LRP2BP: variants seen among roughly 807,000 people sequenced by gnomAD.
The protein encoded by LRP2BP is LRP2-binding protein.
In LRP2BP, 38 loss-of-function variants were observed where a neutral mutation model predicts 45.2. The observed-to-expected ratio is 0.84, with a 90% CI of 0.65 to 1.10. The LOEUF is 1.10. Among genes scored for constraint, LRP2BP ranks in the 50% least tolerant of loss-of-function variants. The pLI, the probability that LRP2BP is intolerant of heterozygous loss-of-function variation, is 0.00. For synonymous variants in LRP2BP, 153 were observed against 153.9 expected (o/e 0.99, Z 0.04); for missense variants, 385 against 418.9 (o/e 0.92, Z 0.71).
chr4:185,387,435 T>C (rs2095475003), intron 1 of LRP2BP, among the ~76,000 whole-genome samples: 1 of 152,240 alleles, frequency 6.6e-6, no homozygotes, highest in Non-Finnish European at 1.5e-5. Flanking sequence ...TGCACCCTTT[T>C]GCCATAGTTG....
At chr4:185,385,912 G>GT (rs1554020215) in intron 1 of LRP2BP, among the ~76,000 whole-genome samples, 8 of 22,780 alleles carry the variant, frequency 3.5e-4, no homozygotes, top group Admixed American at 2.1e-3. Context: ...GGGAGGGGGG[G>GT]GGGGAGATAA....
upstream of LRP2BP, chr4:185,396,678 C>T (rs577153984): frequency 4.7e-5 from 25 of 528,916 alleles, no homozygotes; most frequent in East Asian, 3.0e-4. Context: ...GCGCCGGGCT[C>T]CACGTGCCAG....
intron 8 of LRP2BP, chr4:185,369,973 A>C: frequency 4.0e-6 from 1 of 248,418 alleles, no homozygotes; most frequent in Non-Finnish European, 8.1e-6. Context: ...CAAGTCTGCT[A>C]TGATGTAATT....
At position 185,365,364 on chromosome 4, in the gene LRP2BP, T is replaced by A. The variant is rs1276422478; in HGVS notation, c.*1816A>T. The A allele has an allele frequency of 6.6e-6, 1 of 151,870 alleles. No individual in the cohort carries two copies. The highest frequency in any genetic ancestry group is 1.5e-5 in the Non-Finnish European group (1 of 67,962). 9.4% of individuals were successfully genotyped at this position (151,870 alleles called of 1,614,324 possible). A position where few individuals can be genotyped will look rare whatever the true frequency, so the allele number is the denominator to read the frequency against. ...GTTCCTATTTTAAGATTCTTTTTATTTTTTTTTGAGATGGAGTCTCGCTCT... is the reference window on the plus strand; with the variant it reads ...GTTCCTATTTTAAGATTCTTTTTATATTTTTTTGAGATGGAGTCTCGCTCT... On this transcript the variant is annotated 3_prime_UTR_variant, in exon 9 of 9. Coordinates refer to ENST00000505916, the MANE Select transcript of LRP2BP (RefSeq NM_001377440.1).
intron 1 of LRP2BP, among the ~76,000 whole-genome samples, chr4:185,389,290 C>T (rs913521687): frequency 3.3e-5 from 5 of 151,988 alleles, no homozygotes; most frequent in Admixed American, 6.6e-5. Flanking sequence ...TTCACTGCAA[C>T]CTCCACCTCC....
chr4:185,375,869 T>C (rs2095435747), intron 3 of LRP2BP, 143 bp from the exon 4 acceptor site: 2 of 484,558 alleles, frequency 4.1e-6, no homozygotes, highest in South Asian at 6.0e-5. Flanking sequence ...TGCCCCACGC[T>C]GAGGAAGCAT....
At chr4:185,393,300 C>A (rs987546018) in intron 1 of LRP2BP, among the ~76,000 whole-genome samples, 1 of 152,166 alleles carries the variant, frequency 6.6e-6, no homozygotes, top group Non-Finnish European at 1.5e-5. Flanking sequence ...TAAACATATA[C>A]AATCCAATTA....
chr4:185,390,190 TCTCA>T (rs1174233383), intron 1 of LRP2BP, among the ~76,000 whole-genome samples: 2 of 152,198 alleles, frequency 1.3e-5, no homozygotes, highest in Non-Finnish European at 2.9e-5. Context: ...AGCTCTCATG[TCTCA>T]CTCATATCTC....
intron 1 of LRP2BP, among the ~76,000 whole-genome samples, chr4:185,387,366 C>A (rs1252261684): frequency 6.6e-6 from 1 of 152,194 alleles, no homozygotes; most frequent in Non-Finnish European, 1.5e-5. Flanking sequence ...ACACAATGTA[C>A]AAATAACATA....
intron 4 of LRP2BP, among the ~76,000 whole-genome samples, chr4:185,375,059 C>A (rs1023512816): frequency 6.6e-6 from 1 of 152,048 alleles, no homozygotes. Context: ...CCATCAGACA[C>A]AAACCTTCAA....
At chr4:185,393,035 G>A (rs2095492394) in intron 1 of LRP2BP, among the ~76,000 whole-genome samples, 1 of 152,208 alleles carries the variant, frequency 6.6e-6, no homozygotes, top group Non-Finnish European at 1.5e-5. Flanking sequence ...CTGGGTTCAA[G>A]TGATTCTCCC....
upstream of LRP2BP, chr4:185,396,826 T>C (rs909302855): frequency 1.5e-6 from 2 of 1,339,744 alleles, no homozygotes; most frequent in Admixed American, 3.4e-5. Flanking sequence ...AATTCTCCCG[T>C]GCTAGGGCCA....
At chr4:185,380,824 A>G (rs1467266837) in intron 1 of LRP2BP, among the ~76,000 whole-genome samples, 4 of 150,720 alleles carry the variant, frequency 2.7e-5, no homozygotes, top group Non-Finnish European at 4.4e-5. Flanking sequence ...TGCCTTTCAG[A>G]TTTTCCATCG....
chr4:185,397,245 C>T (rs938648762), upstream of LRP2BP: 2 of 1,614,156 alleles, frequency 1.2e-6, no homozygotes, highest in Non-Finnish European at 1.7e-6. Flanking sequence ...CCGCAGGAAG[C>T]GGCCTTGCTT....
In LRP2BP at chr4:185,373,026, A is replaced by G. The variant is rs1290370920; in HGVS notation, c.633T>C (p.Gly211=). The change falls in exon 7 of 9, where the codon GGT becomes GGC. Residue 211 remains glycine, a synonymous_variant. Transcript: ENST00000505916. ...ACGNGNLESQ[G]ALGLMYLYGQ... ...CATACAAGTACATGAGCCCAAGTGC[A>G]CCCTGGGACTCCAGATTCCCATTGC... 1 of 1,612,564 alleles carries G rather than the reference A, an allele frequency of 6.2e-7. No homozygotes were observed. Among genetic ancestry groups the G allele is most frequent in the Non-Finnish European group, 8.5e-7 (1 of 1,178,754 alleles).
At chr4:185,389,977 TAG>T (rs1333045504) in intron 1 of LRP2BP, among the ~76,000 whole-genome samples, 2 of 152,232 alleles carry the variant, frequency 1.3e-5, no homozygotes, top group African/African-American at 4.8e-5. Context: ...CGTGAGAATT[TAG>T]AGTTTTCTTG....
intron 1 of LRP2BP, among the ~76,000 whole-genome samples, chr4:185,383,012 C>T (rs1037429566): frequency 6.6e-6 from 1 of 152,194 alleles, no homozygotes; most frequent in African/African-American, 2.4e-5. Flanking sequence ...AGGTCCAAAT[C>T]AGTTCTTTTG....
upstream of LRP2BP, chr4:185,396,848 C>A: frequency 2.0e-6 from 3 of 1,514,222 alleles, no homozygotes; most frequent in South Asian, 1.1e-5. Context: ...CCTGCGCATT[C>A]TTACCTGTCG....
chr4:185,390,518 CAAAAAAA>C (rs575511130), intron 1 of LRP2BP: 5 of 82,692 alleles, frequency 6.0e-5, no homozygotes, highest in South Asian at 3.6e-4. Flanking sequence ...GATTCCGTCT[CAAAAAAA>C]AAAAAAAGAA....
Sources: allele counts gnomAD v4.1 joint callset (sites outside exome capture counted in the v4.1 genomes callset), GRCh38; gene constraint gnomAD v4.1.1; transcripts MANE v1.5; gene names NCBI Gene and HGNC (gene_info 2026-07-23, HGNC 2026-07-21).